The following SMAD2 variants were observed in gnomAD, a reference collection of about 807,000 sequenced individuals.
SMAD2 encodes SMAD family member 2, also known as MAD homolog 2.
In SMAD2, 8 loss-of-function variants were observed where a neutral mutation model predicts 64.4. That is an observed-to-expected ratio of 0.12 (90% CI 0.07 to 0.22). The LOEUF is 0.22. SMAD2 is among the 10% of genes least tolerant of loss of function. The pLI is 1.00. For synonymous variants in SMAD2, 203 were observed against 195.8 expected (o/e 1.04, Z -0.31); for missense variants, 289 against 561.2 (o/e 0.51, Z 4.90).
At chr18:47,862,752 T>C (rs1004574221) in intron 6 of SMAD2, among the ~76,000 whole-genome samples, 11 of 152,216 alleles carry the variant, frequency 7.2e-5, no homozygotes, top group African/African-American at 2.4e-4. Context: ...ACAGTGTATG[T>C]AGAAGATACA....
intron 2 of SMAD2, among the ~76,000 whole-genome samples, chr18:47,883,724 T>G (rs1195889007): frequency 6.6e-6 from 1 of 152,196 alleles, no homozygotes; most frequent in Non-Finnish European, 1.5e-5. Flanking sequence ...CTGTTGCTGA[T>G]CACCTGTCAT....
chr18:47,876,391 G>T (rs894422287), intron 2 of SMAD2, among the ~76,000 whole-genome samples: 5 of 152,032 alleles, frequency 3.3e-5, no homozygotes, highest in South Asian at 2.1e-4. Flanking sequence ...TGATGTCCCT[G>T]CATCAATATA....
In SMAD2 at chr18:47,833,100, T is replaced by C. The variant is rs1913073310; in HGVS notation, c.*8727A>G. On this transcript the variant is annotated 3_prime_UTR_variant, in exon 11 of 11. Transcript: ENST00000262160. ...ATTAAAAATTAGTCCCATAGTAACA[T>C]GGTAAACAACTCAAATGGCTTTCTT... 1 of 190,682 alleles carries C rather than the reference T, an allele frequency of 5.2e-6. No individual in the cohort carries two copies. Among genetic ancestry groups the C allele is most frequent in the Middle Eastern group, 1.9e-3 (1 of 538 alleles). The allele number at this position is 190,682 out of a possible 1,614,324, so 11.8% of individuals were successfully genotyped here.
At chr18:47,854,416 A>T (rs2144328739) in intron 6 of SMAD2, among the ~76,000 whole-genome samples, 1 of 152,352 alleles carries the variant, frequency 6.6e-6, no homozygotes, top group South Asian at 2.1e-4. Flanking sequence ...CTCACTAAGA[A>T]TTTATAAGCT....
chr18:47,872,940 C>T (rs773750343), intron 2 of SMAD2, among the ~76,000 whole-genome samples: 15 of 152,104 alleles, frequency 9.9e-5, no homozygotes, highest in African/African-American at 2.2e-4. Flanking sequence ...AGGCTTACTG[C>T]GGCCTTGACC....
rs1024741463 is a variant in SMAD2 at position 47,865,049 on chromosome 18, T to A, written c.730+10A>T. On this transcript the variant is annotated intron_variant, in intron 6 of 10. Transcript: ENST00000262160. ...AATAACTGAGGAATTTTCAAAGACA[T>A]TTTTTTTACCTGTGTCCATACTTTG... 1 of 1,465,446 alleles carries A rather than the reference T, an allele frequency of 6.8e-7. No homozygotes were observed. The highest frequency in any genetic ancestry group is 1.1e-5 in the South Asian group (1 of 87,536). 90.8% of individuals were successfully genotyped at this position (1,465,446 alleles called of 1,614,324 possible).
At chr18:47,868,717 T>C (rs1469181627) in intron 4 of SMAD2, among the ~76,000 whole-genome samples, 1 of 152,158 alleles carries the variant, frequency 6.6e-6, no homozygotes, top group Non-Finnish European at 1.5e-5. Context: ...TATATTACCA[T>C]AAAAGTTCAT....
In SMAD2 at chr18:47,927,957, T is replaced by C. The variant is rs200048520; in HGVS notation, c.-54+2404A>G. Among the ~76,000 whole-genome samples, 32 of 152,312 alleles carry C rather than the reference T, an allele frequency of 2.1e-4. No homozygotes were observed. In the East Asian group the frequency reaches 6.0e-3, roughly 28 times the overall value. On this transcript the variant is annotated intron_variant, in intron 1 of 10. Transcript: ENST00000262160. ...ATCTCTCATAACCTCTCTTAACTGG[T>C]TGTGAATTCCTTACGTTTCACATTT...
At position 47,830,792 on chromosome 18, in the gene SMAD2, G is replaced by T; in HGVS notation, c.*11035C>A. On this transcript the variant is annotated 3_prime_UTR_variant, in exon 11 of 11. Coordinates refer to ENST00000262160, the MANE Select transcript of SMAD2 (RefSeq NM_005901.6). Reference sequence around the variant, plus strand: ...GAGCAAATGAATTTCTTAAGTTCAAGATACGTACTCTCAATGGAGAATCGC... The same window carrying T: ...GAGCAAATGAATTTCTTAAGTTCAATATACGTACTCTCAATGGAGAATCGC... The T allele has an allele frequency of 6.4e-6, 1 of 156,826 alleles. No individual in the cohort carries two copies. The highest frequency in any genetic ancestry group is 1.4e-5 in the Non-Finnish European group (1 of 70,454). The allele number at this position is 156,826 out of a possible 1,614,324, so 9.7% of individuals were successfully genotyped here. A position where few individuals can be genotyped will look rare whatever the true frequency, so the allele number is the denominator to read the frequency against.
intron 1 of SMAD2, among the ~76,000 whole-genome samples, chr18:47,926,400 C>G (rs1175744848): frequency 6.6e-6 from 1 of 152,208 alleles, no homozygotes; most frequent in Non-Finnish European, 1.5e-5. Flanking sequence ...CCCAGACATG[C>G]TAGTCAGGCT....
intron 4 of SMAD2, among the ~76,000 whole-genome samples, chr18:47,868,751 A>G (rs746025037): frequency 3.9e-5 from 6 of 152,150 alleles, no homozygotes; most frequent in Non-Finnish European, 7.3e-5. Context: ...AAAACTTAAC[A>G]TTGTCTTTAT....
At position 47,845,588 on chromosome 18, in the gene SMAD2, T is replaced by C. The variant is rs1284351673; in HGVS notation, c.1135+75A>G. On this transcript the variant is annotated intron_variant, in intron 9 of 10. Transcript: ENST00000262160. ...AGAATATGAGCATGCAATCATCTACTGATTCCTAAAATTAGCAACAAGAAA... is the reference window on the plus strand; with the variant it reads ...AGAATATGAGCATGCAATCATCTACCGATTCCTAAAATTAGCAACAAGAAA... The C allele has an allele frequency of 8.2e-6, 13 of 1,583,042 alleles. No individual in the cohort carries two copies. In the African/African-American group the frequency reaches 1.6e-4, roughly 20 times the overall value.
chr18:47,930,309 G>A (rs952875174), intron 1 of SMAD2, 52 bp downstream of exon 1: 9 of 152,290 alleles, frequency 5.9e-5, no homozygotes, highest in Admixed American at 5.9e-4. Flanking sequence ...CCCGGCCGCG[G>A]ACGCACGCAA....
At chr18:47,864,304 C>G in intron 6 of SMAD2, among the ~76,000 whole-genome samples, 1 of 151,966 alleles carries the variant, frequency 6.6e-6, no homozygotes, top group East Asian at 1.9e-4. Context: ...TTATTGTAAC[C>G]CCTCCCTCCC....
Position 47,882,041 on chromosome 18 carries a change from C to CTTTTTTTTTTTTTTTTTTTTTTTTT in SMAD2, c.237-11502_237-11478dup, listed in dbSNP as rs71162900. ...CACAGGAATGTACTACCACGCTTGG[C>CTTTTTTTTTTTTTTTTTTTTTTTTT]TTTTTTTTTTTTTTTTTTTTTTTTT... On this transcript the variant is annotated intron_variant, in intron 2 of 10. Transcript: ENST00000262160. Among the ~76,000 whole-genome samples, 46 of 38,868 alleles carry CTTTTTTTTTTTTTTTTTTTTTTTTT rather than the reference C, an allele frequency of 1.2e-3. 10 individuals carry two copies. Among genetic ancestry groups the CTTTTTTTTTTTTTTTTTTTTTTTTT allele is most frequent in the Non-Finnish European group, 1.5e-3 (31 of 20,870 alleles). 25.5% of individuals were successfully genotyped at this position (38,868 alleles called of 152,430 possible).
intron 1 of SMAD2, among the ~76,000 whole-genome samples, chr18:47,897,437 A>G (rs897707269): frequency 6.6e-6 from 1 of 152,168 alleles, no homozygotes; most frequent in African/African-American, 2.4e-5. Context: ...GAGTAAAGTC[A>G]GATAGTTTCT....
intron 1 of SMAD2, among the ~76,000 whole-genome samples, chr18:47,898,210 C>G (rs1254488093): frequency 6.6e-6 from 1 of 152,146 alleles, no homozygotes; most frequent in Non-Finnish European, 1.5e-5. Flanking sequence ...TGTTATCATT[C>G]CACATTGCTG....
At chr18:47,842,367 C>T (rs1188705477) in intron 10 of SMAD2, among the ~76,000 whole-genome samples, 2 of 152,064 alleles carry the variant, frequency 1.3e-5, no homozygotes, top group Admixed American at 1.3e-4. Context: ...TGGTGAAACC[C>T]CGTCTCTACT....
rs1471467542 is a variant in SMAD2 at position 47,813,643 on chromosome 18, T to A, written c.*28184A>T. 2.0e-5 allele frequency: 3 copies of A among 150,986 alleles called. No individual in the cohort carries two copies. Among genetic ancestry groups the A allele is most frequent in the African/African-American group, 7.3e-5 (3 of 41,014 alleles). The allele number at this position is 150,986 out of a possible 1,614,324, so 9.4% of individuals were successfully genotyped here. A position where few individuals can be genotyped will look rare whatever the true frequency, so the allele number is the denominator to read the frequency against. ...GACTGGTCTCAAACTCGTGACCTCA[T>A]GATCCACCTGCCTCGGCCTCCCAAA... On this transcript the variant is annotated 3_prime_UTR_variant, in exon 11 of 11. Coordinates refer to ENST00000262160, the MANE Select transcript of SMAD2 (RefSeq NM_005901.6).
Sources: gnomAD v4.1 joint callset for allele counts (sites outside exome capture counted in the v4.1 genomes callset) on GRCh38, gnomAD v4.1.1 for gene constraint, MANE v1.5 for transcripts, NCBI Gene and HGNC (gene_info 2026-07-23, HGNC 2026-07-21) for gene names.